The following CUL4A variants were observed in gnomAD, a reference collection of about 807,000 sequenced individuals.
CUL4A encodes cullin-4A.
A neutral mutation model predicts 95.5 loss-of-function variants in CUL4A; 16 were observed. That is an observed-to-expected ratio of 0.17 (90% CI 0.11 to 0.25). The LOEUF (loss-of-function observed/expected upper bound fraction) is 0.25. Among genes scored for constraint, CUL4A ranks in the 10% least tolerant of loss-of-function variants. The probability of loss-of-function intolerance (pLI) is 1.00; values close to 1 mark genes in which losing one functional copy is unlikely to be tolerated. For missense variants in CUL4A, 610 were observed against 937.0 expected (o/e 0.65, Z 4.56); for synonymous variants, 380 against 353.1 (o/e 1.08, Z -0.85).
At chr13:113,228,293 T>G (rs1396825897) in intron 4 of CUL4A, among the ~76,000 whole-genome samples, 1 of 152,186 alleles carries the variant, frequency 6.6e-6, no homozygotes, top group African/African-American at 2.4e-5. Flanking sequence ...GATGCCTGCA[T>G]GGGTCTCTAA....
chr13:113,224,352 CA>C (rs111895037), intron 3 of CUL4A, among the ~76,000 whole-genome samples: 5,777 of 141,560 alleles, frequency 0.041, 293 homozygotes, highest in East Asian at 0.21. Flanking sequence ...GACTCCATCT[CA>C]AAAAAAAAAA....
At chr13:113,237,415 C>T (rs1032333763) in intron 9 of CUL4A, among the ~76,000 whole-genome samples, 4 of 152,246 alleles carry the variant, frequency 2.6e-5, no homozygotes, top group East Asian at 1.9e-4. Flanking sequence ...CTAGTGCTGA[C>T]GGCGCGGCCT....
At chr13:113,256,989 A>G (rs1016810593) in intron 18 of CUL4A, among the ~76,000 whole-genome samples, 1 of 127,730 alleles carries the variant, frequency 7.8e-6, no homozygotes, top group Non-Finnish European at 1.5e-5. Context: ...GCAGTGGTAC[A>G]ATCTCGCTCA....
chr13:113,252,928 C>A (rs1465252458), intron 15 of CUL4A, among the ~76,000 whole-genome samples, 154 bp from the exon 16 acceptor site: 1 of 152,112 alleles, frequency 6.6e-6, no homozygotes, highest in Non-Finnish European at 1.5e-5. Context: ...GGATTGAGGA[C>A]GTTTTTACAA....
intron 7 of CUL4A, among the ~76,000 whole-genome samples, chr13:113,234,805 G>C (rs1425329820): frequency 1.3e-5 from 2 of 152,118 alleles, no homozygotes; most frequent in Non-Finnish European, 2.9e-5. Flanking sequence ...CCCGAAACTT[G>C]GTGGTGCACA....
At chr13:113,260,208 A>AAAAAAAAAAAAAAAAAAAAC (rs2042236674) in intron 18 of CUL4A, among the ~76,000 whole-genome samples, 1 of 127,882 alleles carries the variant, frequency 7.8e-6, no homozygotes, top group Non-Finnish European at 1.7e-5. Flanking sequence ...CGTCTCAAAA[A>AAAAAAAAAAAAAAAAAAAAC]AAAAAAAAAA....
chr13:113,238,733 C>T (rs146714207), intron 9 of CUL4A, among the ~76,000 whole-genome samples: 239 of 152,270 alleles, frequency 1.6e-3, no homozygotes, highest in African/African-American at 5.3e-3. Context: ...CATGTGTTTG[C>T]GCACAGCTTT....
intron 5 of CUL4A, 103 bp downstream of exon 5, chr13:113,229,622 T>C: frequency 1.0e-6 from 1 of 962,898 alleles, no homozygotes. Flanking sequence ...GTGTGATTAC[T>C]TGTGCCTTCC....
chr13:113,233,190 G>T lies in CUL4A; in HGVS notation c.526G>T (p.Glu176Ter). 1 of 1,614,014 alleles carries T rather than the reference G, an allele frequency of 6.2e-7. No individual in the cohort carries two copies. Among genetic ancestry groups the T allele is most frequent in the Non-Finnish European group, 8.5e-7 (1 of 1,179,930 alleles). Residue 176 changes from glutamate to a stop codon, truncating the protein, a stop_gained, in exon 6 of 20, where the codon GAA (glutamate) becomes TAA (stop). Transcript: ENST00000375440. LOFTEE classifies it high-confidence loss of function. ...TLPSIWDMGL[E>*]LFRTHIISDK... ...CTGTCTATACAGGGATATGGGATTA[G>T]AACTGTTTAGAACCCATATTATTAG...
Position 113,245,960 on chromosome 13 carries a change from T to A in CUL4A, c.1535T>A (p.Met512Lys), listed in dbSNP as rs2041846367. ...TCTTGGATTTCTCTGTTTTAGCATATGCAGAATCAGAGTGACTCAGGCCCT... is the reference window on the plus strand; with the variant it reads ...TCTTGGATTTCTCTGTTTTAGCATAAGCAGAATCAGAGTGACTCAGGCCCT... Reference protein sequence around the residue: ...KDIMVHFKQHMQNQSDSGPID... With the variant: ...KDIMVHFKQHKQNQSDSGPID... The change falls in exon 15 of 20, where the codon ATG (methionine) becomes AAG (lysine). Residue 512 changes from methionine (M) to lysine (K), a missense_variant. By Grantham distance (95) the Met-to-Lys change is moderately conservative. This residue lies in a region of CUL4A where 44 missense variants were observed against 75.6 expected (regional missense o/e 0.58). Coordinates refer to ENST00000375440, the MANE Select transcript of CUL4A (RefSeq NM_001008895.4). The A allele has an allele frequency of 6.2e-7, 1 of 1,610,158 alleles. No individual in the cohort carries two copies. Among genetic ancestry groups the A allele is most frequent in the Admixed American group, 1.7e-5 (1 of 59,710 alleles).
rs1028827446 is a variant in CUL4A, at chr13:113,218,838, T to C, written c.265-107T>C. ...AGATTCCTGAAGTACTGGGGTAGGG[T>C]GTGGGGTGCCTTTTTCTTATGATTA... On this transcript the variant is annotated intron_variant, in intron 2 of 19. Coordinates refer to ENST00000375440, the MANE Select transcript of CUL4A (RefSeq NM_001008895.4). 28 of 667,582 alleles carry C rather than the reference T, an allele frequency of 4.2e-5. No homozygotes were observed. The African/African-American group carries it at 5.1e-4, about 12-fold the overall frequency. 41.4% of individuals were successfully genotyped at this position (667,582 alleles called of 1,614,324 possible). A position where few individuals can be genotyped will look rare whatever the true frequency, so the allele number is the denominator to read the frequency against.
At chr13:113,228,474 C>T (rs541693044) in intron 4 of CUL4A, among the ~76,000 whole-genome samples, 3 of 152,138 alleles carry the variant, frequency 2.0e-5, no homozygotes, top group East Asian at 1.9e-4. Flanking sequence ...GAGAACAGAC[C>T]GTATTAATAG....
In CUL4A at chr13:113,267,034, C is replaced by A. The variant is rs2042407794; in HGVS notation, c.*3452C>A. On this transcript the variant is annotated 3_prime_UTR_variant, in exon 20 of 20. Transcript: ENST00000375440. ...CTTAGCAATTTTGAAATGTACAATA[C>A]TCAATTTTTGACTGTATTCACCATG... 6.6e-6 allele frequency: 1 copy of A among 152,064 alleles called. No homozygotes were observed. The highest frequency in any genetic ancestry group is 1.5e-5 in the Non-Finnish European group (1 of 67,998). The allele number at this position is 152,064 out of a possible 1,614,324, so 9.4% of individuals were successfully genotyped here. A position where few individuals can be genotyped will look rare whatever the true frequency, so the allele number is the denominator to read the frequency against.
intron 5 of CUL4A, among the ~76,000 whole-genome samples, chr13:113,232,844 A>G (rs1050856392): frequency 7.2e-5 from 11 of 152,144 alleles, no homozygotes; most frequent in Non-Finnish European, 1.3e-4. Context: ...GTGGTGCCCA[A>G]CTGCCTGAGT....
intron 2 of CUL4A, among the ~76,000 whole-genome samples, chr13:113,211,913 G>A (rs1452672494): frequency 2.0e-5 from 3 of 152,238 alleles, no homozygotes; most frequent in Non-Finnish European, 2.9e-5. Flanking sequence ...GTTCCACTCC[G>A]CCACCAGCGT....
At chr13:113,218,112 C>T (rs2040761387) in intron 2 of CUL4A, among the ~76,000 whole-genome samples, 1 of 152,122 alleles carries the variant, frequency 6.6e-6, no homozygotes, top group South Asian at 2.1e-4. Flanking sequence ...GTGGCAGGTG[C>T]CTATAATCCC....
chr13:113,224,458 G>C (rs1294511960), intron 3 of CUL4A, among the ~76,000 whole-genome samples: 5 of 152,208 alleles, frequency 3.3e-5, no homozygotes, highest in African/African-American at 1.2e-4. Context: ...CAGCATTGCA[G>C]CTCTGGTCAG....
At chr13:113,247,719 G>A (rs151323967) in intron 15 of CUL4A, among the ~76,000 whole-genome samples, 653 of 152,270 alleles carry the variant, frequency 4.3e-3, no homozygotes, top group Middle Eastern at 0.017. Flanking sequence ...TGCTTTCCAC[G>A]CTGGCCACGT....
rs150475231 is a variant in CUL4A, at chr13:113,215,323, G to A, written c.265-3622G>A. ...TGGAGGTCGCTGTGTGACTATGGAGGTCTCATCCATGTGGCTGTGGAGGTC... is the reference window on the plus strand; with the variant it reads ...TGGAGGTCGCTGTGTGACTATGGAGATCTCATCCATGTGGCTGTGGAGGTC... On this transcript the variant is annotated intron_variant, in intron 2 of 19. Coordinates refer to ENST00000375440, the MANE Select transcript of CUL4A (RefSeq NM_001008895.4). 5.0e-4 allele frequency among the ~76,000 whole-genome samples: 75 copies of A among 149,922 alleles called. 2 individuals carry two copies. The Middle Eastern group carries it at 0.011, about 23-fold the overall frequency.
Sources: gnomAD v4.1 joint callset for allele counts (sites outside exome capture counted in the v4.1 genomes callset) on GRCh38, gnomAD v4.1.1 for gene constraint, gnomAD v4.1.1 regional missense constraint, MANE v1.5 for transcripts, NCBI Gene and HGNC (gene_info 2026-07-23, HGNC 2026-07-21) for gene names.